The following TOX2 variants were observed in gnomAD, a reference collection of about 807,000 sequenced individuals.
TOX2 encodes TOX high mobility group box family member 2.
A neutral mutation model predicts 47.4 loss-of-function variants in TOX2; 15 were observed. That is an observed-to-expected ratio of 0.32 (90% CI 0.21 to 0.49). The LOEUF is 0.49. Ranked by LOEUF, TOX2 falls within the 20% of genes least tolerant of loss-of-function variation. TOX2 has a pLI of 0.99. For missense variants in TOX2, 622 were observed against 673.1 expected (o/e 0.92, Z 0.84); for synonymous variants, 290 against 296.6 (o/e 0.98, Z 0.23).
intron 1 of TOX2, among the ~76,000 whole-genome samples, chr20:43,958,421 G>A (rs374969155): frequency 5.7e-4 from 86 of 152,196 alleles, no homozygotes; most frequent in African/African-American, 1.4e-3. Flanking sequence ...CACACATACC[G>A]GTTTTCCCCC....
At chr20:44,065,292 G>A (rs183323294) in intron 6 of TOX2, among the ~76,000 whole-genome samples, 4 of 152,314 alleles carry the variant, frequency 2.6e-5, no homozygotes, top group Non-Finnish European at 4.4e-5. Flanking sequence ...GCGGATGCGT[G>A]GCCCAAGTGG....
At chr20:44,021,961 A>G (rs1466776024) in intron 3 of TOX2, among the ~76,000 whole-genome samples, 2 of 152,200 alleles carry the variant, frequency 1.3e-5, no homozygotes, top group Non-Finnish European at 2.9e-5. Context: ...ACACTAAACC[A>G]GAACTGTACC....
chr20:44,064,726 A>C (rs746571111), intron 5 of TOX2, 51 bp from the exon 6 acceptor site: 55 of 1,571,446 alleles, frequency 3.5e-5, no homozygotes, highest in Non-Finnish European at 4.7e-5. Context: ...CCTGCACGGC[A>C]TCTCCTCTGT....
intron 2 of TOX2, among the ~76,000 whole-genome samples, chr20:43,974,055 T>A (rs1257111669): frequency 6.6e-6 from 1 of 152,190 alleles, no homozygotes; most frequent in Non-Finnish European, 1.5e-5. Context: ...AATGTTTCTC[T>A]CAGCTGGGAG....
intron 1 of TOX2, among the ~76,000 whole-genome samples, chr20:43,938,597 C>T (rs2069360060): frequency 6.6e-6 from 1 of 152,188 alleles, no homozygotes; most frequent in African/African-American, 2.4e-5. Flanking sequence ...CTTCAGTCTT[C>T]AGATGGCCAG....
chr20:44,037,241 A>G (rs1434135369), intron 3 of TOX2, among the ~76,000 whole-genome samples: 1 of 152,228 alleles, frequency 6.6e-6, no homozygotes, highest in East Asian at 1.9e-4. Context: ...GGCATGAGCC[A>G]TGGCGCCCAG....
At chr20:43,971,575 G>A (rs2069968206) in intron 1 of TOX2, among the ~76,000 whole-genome samples, 1 of 152,216 alleles carries the variant, frequency 6.6e-6, no homozygotes, top group Non-Finnish European at 1.5e-5. Context: ...TGCACATACA[G>A]TTGGATCCAG....
intron 1 of TOX2, among the ~76,000 whole-genome samples, chr20:43,926,380 G>C (rs1231043226): frequency 6.6e-6 from 1 of 152,122 alleles, no homozygotes; most frequent in African/African-American, 2.4e-5. Context: ...GGAAGTGCCT[G>C]GGTTCGTATC....
chr20:44,028,408 A>G (rs1351215844), intron 3 of TOX2, among the ~76,000 whole-genome samples: 1 of 152,178 alleles, frequency 6.6e-6, no homozygotes, highest in African/African-American at 2.4e-5. Flanking sequence ...GGAGGAGAAA[A>G]TAACCTACTT....
intron 1 of TOX2, among the ~76,000 whole-genome samples, chr20:43,969,231 T>C (rs1374653442): frequency 6.6e-6 from 1 of 152,224 alleles, no homozygotes; most frequent in East Asian, 1.9e-4. Context: ...GCTGCCGTGT[T>C]GAACGCTGTG....
intron 3 of TOX2, chr20:44,039,170 G>T (rs779840897): frequency 7.1e-5 from 90 of 1,268,730 alleles, no homozygotes; most frequent in Middle Eastern, 2.1e-4. Context: ...CTTGGAAAGA[G>T]GGTGAGGCCA....
intron 2 of TOX2, among the ~76,000 whole-genome samples, chr20:43,978,773 G>GTA (rs1321896470): frequency 6.6e-6 from 1 of 151,588 alleles, no homozygotes; most frequent in African/African-American, 2.4e-5. Flanking sequence ...TTGTGTGTGT[G>GTA]TGTGTGTGTG....
chr20:44,041,347 G>A (rs1355332452), intron 3 of TOX2, among the ~76,000 whole-genome samples: 1 of 152,178 alleles, frequency 6.6e-6, no homozygotes, highest in Non-Finnish European at 1.5e-5. Context: ...ATGGTAAAGG[G>A]GGCGGGGTCC....
chr20:44,000,780 C>T (rs566235955), intron 2 of TOX2, among the ~76,000 whole-genome samples: 6 of 152,126 alleles, frequency 3.9e-5, no homozygotes, highest in African/African-American at 1.4e-4. Flanking sequence ...TGATGTTGGC[C>T]ATGGACAGAA....
chr20:44,022,185 A>G (rs1459378739), intron 3 of TOX2, among the ~76,000 whole-genome samples: 3 of 152,074 alleles, frequency 2.0e-5, no homozygotes, highest in African/African-American at 7.2e-5. Context: ...CCCTGCTGAG[A>G]GGGGGGTCAG....
chr20:44,056,500 C>T (rs2071620034), intron 5 of TOX2, among the ~76,000 whole-genome samples: 1 of 152,208 alleles, frequency 6.6e-6, no homozygotes, highest in African/African-American at 2.4e-5. Context: ...CGGGCACTCC[C>T]TCCACCGATG....
chr20:44,059,039 T>C (rs1458628583), intron 5 of TOX2, among the ~76,000 whole-genome samples: 2 of 152,130 alleles, frequency 1.3e-5, no homozygotes, highest in Non-Finnish European at 2.9e-5. Flanking sequence ...AATCTCTGAA[T>C]TGCCAGAAAA....
chr20:43,920,715 G>T (rs570312207), intron 1 of TOX2, among the ~76,000 whole-genome samples: 62 of 152,196 alleles, frequency 4.1e-4, no homozygotes, highest in African/African-American at 1.5e-3. Flanking sequence ...CCCTTCTTTG[G>T]GCCTCTGTTT....
chr20:44,030,109 C>A (rs780739746), intron 3 of TOX2, among the ~76,000 whole-genome samples: 1 of 152,130 alleles, frequency 6.6e-6, no homozygotes, highest in Non-Finnish European at 1.5e-5. Flanking sequence ...GCAATCGGCC[C>A]CCACCTGGAA....
Sources: allele counts gnomAD v4.1 joint callset (sites outside exome capture counted in the v4.1 genomes callset), GRCh38; gene constraint gnomAD v4.1.1; transcripts MANE v1.5; gene names NCBI Gene and HGNC (gene_info 2026-07-23, HGNC 2026-07-21).